The following KCND2 variants were observed in gnomAD, a reference collection of about 807,000 sequenced individuals.
KCND2 encodes A-type voltage-gated potassium channel KCND2.
KCND2 carries 16 observed loss-of-function variants against 54.4 expected under a neutral mutation model. The observed-to-expected ratio is 0.29, with a 90% CI of 0.20 to 0.45. The LOEUF (loss-of-function observed/expected upper bound fraction) is 0.45. Ranked by LOEUF, KCND2 falls within the 20% of genes least tolerant of loss-of-function variation. The probability of loss-of-function intolerance (pLI) is 1.00; values close to 1 mark genes in which losing one functional copy is unlikely to be tolerated. For synonymous variants in KCND2, 317 were observed against 310.7 expected, an observed-to-expected ratio of 1.02 and a Z score of -0.21; for missense variants, 486 against 824.2, an observed-to-expected ratio of 0.59 and a Z score of 5.02.
At chr7:120,415,222 A>G (rs982460658) in intron 1 of KCND2, among the ~76,000 whole-genome samples, 1 of 152,150 alleles carries the variant, frequency 6.6e-6, no homozygotes, top group African/African-American at 2.4e-5. Flanking sequence ...ATTCTCTACA[A>G]AACTCCAAGT....
intron 1 of KCND2, among the ~76,000 whole-genome samples, chr7:120,466,955 C>G (rs1384110451): frequency 6.6e-6 from 1 of 152,156 alleles, no homozygotes; most frequent in Non-Finnish European, 1.5e-5. Context: ...TCCACCATTC[C>G]ATCTCCATAT....
intron 1 of KCND2, among the ~76,000 whole-genome samples, chr7:120,656,530 A>G (rs1212092322): frequency 6.6e-6 from 1 of 152,216 alleles, no homozygotes; most frequent in Non-Finnish European, 1.5e-5. Context: ...ATTAAGATTC[A>G]TATCCAAGTG....
At chr7:120,361,605 G>A (rs953587673) in intron 1 of KCND2, among the ~76,000 whole-genome samples, 2 of 152,020 alleles carry the variant, frequency 1.3e-5, no homozygotes, top group Admixed American at 1.3e-4. Flanking sequence ...ATCATATGGT[G>A]AGTGAGTTGC....
At chr7:120,686,567 A>C (rs2116596929) in intron 1 of KCND2, among the ~76,000 whole-genome samples, 1 of 152,284 alleles carries the variant, frequency 6.6e-6, no homozygotes, top group South Asian at 2.1e-4. Flanking sequence ...TATTAGAGCA[A>C]GAACAAGAGG....
At chr7:120,441,897 G>T (rs896995537) in intron 1 of KCND2, among the ~76,000 whole-genome samples, 3 of 152,046 alleles carry the variant, frequency 2.0e-5, no homozygotes, top group Non-Finnish European at 4.4e-5. Context: ...TACCAAGTTG[G>T]CAGCCAGCTA....
chr7:120,423,793 C>T (rs555690893), intron 1 of KCND2, among the ~76,000 whole-genome samples: 1 of 152,206 alleles, frequency 6.6e-6, no homozygotes, highest in Non-Finnish European at 1.5e-5. Flanking sequence ...CTGGTACGCA[C>T]TGCTGGCATT....
chr7:120,614,807 T>C (rs1178368664), intron 1 of KCND2, among the ~76,000 whole-genome samples: 1 of 152,236 alleles, frequency 6.6e-6, no homozygotes, highest in African/African-American at 2.4e-5. Context: ...AACATTTGCA[T>C]AATTTTTAAG....
intron 1 of KCND2, among the ~76,000 whole-genome samples, chr7:120,289,326 T>C (rs900328907): frequency 6.6e-6 from 1 of 151,904 alleles, no homozygotes; most frequent in African/African-American, 2.4e-5. Flanking sequence ...AAGCTAAATA[T>C]GCAATAAAAT....
intron 1 of KCND2, among the ~76,000 whole-genome samples, chr7:120,535,782 G>A (rs1791899165): frequency 6.6e-6 from 1 of 152,174 alleles, no homozygotes; most frequent in South Asian, 2.1e-4. Context: ...CTGAGGATAG[G>A]AAATAAATGA....
At chr7:120,484,838 T>C (rs1802670680) in intron 1 of KCND2, among the ~76,000 whole-genome samples, 1 of 152,142 alleles carries the variant, frequency 6.6e-6, no homozygotes, top group Admixed American at 6.6e-5. Context: ...ACTTGTTTGT[T>C]AATATTTTTA....
At chr7:120,416,740 G>A (rs1308028924) in intron 1 of KCND2, among the ~76,000 whole-genome samples, 1 of 149,500 alleles carries the variant, frequency 6.7e-6, no homozygotes, top group Non-Finnish European at 1.5e-5. Flanking sequence ...CAAGATACAA[G>A]GGAAAGAAAC....
chr7:120,454,152 A>G (rs557297447), intron 1 of KCND2, among the ~76,000 whole-genome samples: 5 of 152,288 alleles, frequency 3.3e-5, no homozygotes, highest in African/African-American at 1.2e-4. Context: ...CCAAGAACTG[A>G]AGAGACAAAA....
chr7:120,343,697 A>G (rs1199663842), intron 1 of KCND2, among the ~76,000 whole-genome samples: 2 of 152,178 alleles, frequency 1.3e-5, no homozygotes, highest in African/African-American at 4.8e-5. Context: ...AAGTAAAATC[A>G]TGTTGGTGAT....
At chr7:120,669,204 G>A (rs1319701483) in intron 1 of KCND2, among the ~76,000 whole-genome samples, 2 of 152,030 alleles carry the variant, frequency 1.3e-5, no homozygotes, top group African/African-American at 4.8e-5. Flanking sequence ...ATGTTTAAAA[G>A]TGAAGTCCAA....
In KCND2 at chr7:120,668,356, G is replaced by A. The variant is rs962453406; in HGVS notation, c.1116-64547G>A. Among the ~76,000 whole-genome samples the A allele has an allele frequency of 5.3e-5, 8 of 151,998 alleles. 1 individual carries two copies. The highest frequency in any genetic ancestry group is 1.2e-4 in the Non-Finnish European group (8 of 67,934). ...CACATTTCACTAAGTCGTGAGCTGA[G>A]AATACCTCTTTTGCCCAAGTGAAGG... On this transcript the variant is annotated intron_variant, in intron 1 of 5. Transcript: ENST00000331113.
At chr7:120,357,052 A>G (rs1449817056) in intron 1 of KCND2, among the ~76,000 whole-genome samples, 5 of 152,060 alleles carry the variant, frequency 3.3e-5, no homozygotes. Flanking sequence ...TCCATATTTC[A>G]TGAGCTCCTT....
At chr7:120,551,105 A>G (rs575256219) in intron 1 of KCND2, among the ~76,000 whole-genome samples, 1 of 152,320 alleles carries the variant, frequency 6.6e-6, no homozygotes, top group South Asian at 2.1e-4. Context: ...ATAAATGCGC[A>G]GAGCTCTTTC....
rs376087952 is a variant in KCND2, at chr7:120,686,509, CAG to C, written c.1116-46391_1116-46390del. On this transcript the variant is annotated intron_variant, in intron 1 of 5. Transcript: ENST00000331113. ...AAGAATTCAATGGAGAGGCATAAGA[CAG>C]AGTTGGAGGCAAGTTTTAGAGCAGG... 4.1e-3 allele frequency among the ~76,000 whole-genome samples: 621 copies of C among 152,248 alleles called. 4 individuals are homozygous for C. The highest frequency in any genetic ancestry group is 0.017 in the Middle Eastern group (5 of 294).
chr7:120,655,666 A>G (rs1382614954), intron 1 of KCND2, among the ~76,000 whole-genome samples: 2 of 152,112 alleles, frequency 1.3e-5, no homozygotes, highest in African/African-American at 4.8e-5. Flanking sequence ...TTTAAACTTG[A>G]TTCTAGATTG....
Sources: gnomAD v4.1 joint callset for allele counts (sites outside exome capture counted in the v4.1 genomes callset) on GRCh38, gnomAD v4.1.1 for gene constraint, MANE v1.5 for transcripts, NCBI Gene and HGNC (gene_info 2026-07-23, HGNC 2026-07-21) for gene names.